The following ANKS1B variants were observed in gnomAD, a reference collection of about 807,000 sequenced individuals.
ANKS1B encodes ankyrin repeat and sterile alpha motif domain containing 1B.
ANKS1B carries 36 observed loss-of-function variants against 148.3 expected under a neutral mutation model. The observed-to-expected ratio is 0.24, with a 90% CI of 0.19 to 0.32. The LOEUF (loss-of-function observed/expected upper bound fraction) is 0.32. ANKS1B is among the 10% of genes least tolerant of loss of function. ANKS1B has a pLI of 1.00. For missense variants in ANKS1B, 1,157 were observed against 1,542.6 expected (o/e 0.75, Z 4.19); for synonymous variants, 542 against 560.8 (o/e 0.97, Z 0.47).
At chr12:99,003,649 T>C (rs2099934330) in intron 17 of ANKS1B, among the ~76,000 whole-genome samples, 1 of 152,250 alleles carries the variant, frequency 6.6e-6, no homozygotes, top group Non-Finnish European at 1.5e-5. Context: ...ATTTGTTTCA[T>C]GGCTCTATGA....
At chr12:99,464,273 A>G (rs1014054095) in intron 10 of ANKS1B, among the ~76,000 whole-genome samples, 3 of 152,218 alleles carry the variant, frequency 2.0e-5, no homozygotes, top group Non-Finnish European at 2.9e-5. Context: ...AAGGACATCC[A>G]CACCAAAAAC....
rs149431271 is a variant in ANKS1B, at chr12:99,641,824, C to A, written c.1272+13243G>T. ...AAAATATTGAACAGTAGACACTATACACCCTTATTGTTGCTAAAAGAAGCT... is the reference window on the plus strand; with the variant it reads ...AAAATATTGAACAGTAGACACTATAAACCCTTATTGTTGCTAAAAGAAGCT... On this transcript the variant is annotated intron_variant, in intron 9 of 26. Coordinates refer to ENST00000683438, the MANE Select transcript of ANKS1B (RefSeq NM_001352186.2). Among the ~76,000 whole-genome samples the A allele has an allele frequency of 1.7e-3, 254 of 152,214 alleles. 3 individuals carry two copies. The highest frequency in any genetic ancestry group is 6.8e-3 in the Middle Eastern group (2 of 294).
At chr12:99,638,999 A>G (rs2098272889) in intron 9 of ANKS1B, among the ~76,000 whole-genome samples, 1 of 152,204 alleles carries the variant, frequency 6.6e-6, no homozygotes, top group Non-Finnish European at 1.5e-5. Context: ...AGGTTTGGGA[A>G]CCTTTGCCTA....
At chr12:99,606,244 G>A (rs1363905323) in intron 9 of ANKS1B, among the ~76,000 whole-genome samples, 1 of 151,634 alleles carries the variant, frequency 6.6e-6, no homozygotes, top group African/African-American at 2.4e-5. Flanking sequence ...TTAACCCCTT[G>A]TCAGATGCAT....
intron 9 of ANKS1B, among the ~76,000 whole-genome samples, chr12:99,583,903 T>C (rs923150664): frequency 1.3e-5 from 2 of 152,256 alleles, no homozygotes; most frequent in Non-Finnish European, 2.9e-5. Context: ...TACTGGCACA[T>C]GCCTGCTCCC....
chr12:98,932,192 C>T (rs1425868878), intron 17 of ANKS1B, among the ~76,000 whole-genome samples: 1 of 152,174 alleles, frequency 6.6e-6, no homozygotes, highest in Non-Finnish European at 1.5e-5. Context: ...TGCAATTTCC[C>T]TGCTCTGGTA....
chr12:98,763,072 A>G (rs551434183), intron 25 of ANKS1B, among the ~76,000 whole-genome samples: 8 of 152,312 alleles, frequency 5.3e-5, no homozygotes, highest in Non-Finnish European at 1.2e-4. Flanking sequence ...ATAATGCCAC[A>G]GGGGGCCTGA....
intron 14 of ANKS1B, among the ~76,000 whole-genome samples, chr12:99,205,579 G>A (rs1416256857): frequency 1.3e-5 from 2 of 152,166 alleles, no homozygotes; most frequent in Non-Finnish European, 2.9e-5. Flanking sequence ...TCTTCCTCAC[G>A]GAGCCCCAGT....
At position 99,404,293 on chromosome 12, in the gene ANKS1B, C is replaced by T. The variant is rs560252752; in HGVS notation, c.1576-4482G>A. Among the ~76,000 whole-genome samples, 198 of 145,426 alleles carry T rather than the reference C, an allele frequency of 1.4e-3. 29 individuals carry two copies. Among genetic ancestry groups the T allele is most frequent in the African/African-American group, 5.0e-3 (192 of 38,234 alleles). On this transcript the variant is annotated intron_variant, in intron 11 of 26. Coordinates refer to ENST00000683438, the MANE Select transcript of ANKS1B (RefSeq NM_001352186.2). Reference sequence around the variant, plus strand: ...CCATGATACTATTTTACCTATGTAACCTGCACATGTACTCCTGAACTCAAA... The same window carrying T: ...CCATGATACTATTTTACCTATGTAATCTGCACATGTACTCCTGAACTCAAA...
At chr12:99,973,798 T>C (rs940369692) in intron 1 of ANKS1B, among the ~76,000 whole-genome samples, 2 of 152,124 alleles carry the variant, frequency 1.3e-5, no homozygotes, top group African/African-American at 4.8e-5. Flanking sequence ...TTTGAACAGA[T>C]AAGGAGTTGC....
At chr12:98,977,215 C>T (rs1215126255) in intron 17 of ANKS1B, among the ~76,000 whole-genome samples, 1 of 152,164 alleles carries the variant, frequency 6.6e-6, no homozygotes, top group African/African-American at 2.4e-5. Context: ...CTTGAAAATT[C>T]CAGCAGCTTA....
intron 8 of ANKS1B, among the ~76,000 whole-genome samples, chr12:99,663,108 G>A (rs574643392): frequency 1.1e-4 from 16 of 152,164 alleles, no homozygotes; most frequent in African/African-American, 3.1e-4. Flanking sequence ...TTTTAAAACC[G>A]GGGATCTAAG....
intron 10 of ANKS1B, among the ~76,000 whole-genome samples, chr12:99,494,439 A>C (rs1388811173): frequency 6.6e-6 from 1 of 152,128 alleles, no homozygotes; most frequent in Non-Finnish European, 1.5e-5. Context: ...TAAAGACCCG[A>C]GCAGATTTAA....
intron 14 of ANKS1B, among the ~76,000 whole-genome samples, chr12:99,208,304 T>C (rs73377335): frequency 0.017 from 2,613 of 152,238 alleles, 72 homozygotes; most frequent in East Asian, 0.085. Flanking sequence ...GTTAAACTAA[T>C]GACTATAACT....
In ANKS1B at chr12:98,772,949, C is replaced by G. The variant is rs1593251630; in HGVS notation, c.3579+93G>C. On this transcript the variant is annotated intron_variant, in intron 25 of 26. Coordinates refer to ENST00000683438, the MANE Select transcript of ANKS1B (RefSeq NM_001352186.2). ...GTATCTTAATACCGGGTAAACAAGC[C>G]AAGCTAGTGTGTTAATTATAAGTTG... is the stretch of plus-strand genomic sequence containing the variant. The G allele has an allele frequency of 2.8e-6, 4 of 1,434,482 alleles. No homozygotes were observed. The Admixed American group carries it at 8.2e-5, about 30-fold the overall frequency. 88.9% of individuals were successfully genotyped at this position (1,434,482 alleles called of 1,614,324 possible). A position where few individuals can be genotyped will look rare whatever the true frequency, so the allele number is the denominator to read the frequency against.
intron 9 of ANKS1B, among the ~76,000 whole-genome samples, chr12:99,526,487 T>A (rs901853150): frequency 6.6e-6 from 1 of 152,118 alleles, no homozygotes; most frequent in African/African-American, 2.4e-5. Context: ...AATAATAAAA[T>A]GGGAGTGTGG....
At chr12:99,589,328 C>T (rs1223153883) in intron 9 of ANKS1B, among the ~76,000 whole-genome samples, 1 of 152,172 alleles carries the variant, frequency 6.6e-6, no homozygotes, top group Non-Finnish European at 1.5e-5. Context: ...TCCTCAGAAG[C>T]CTATAATAAT....
Position 99,154,318 on chromosome 12 carries a change from C to T in ANKS1B, c.2497G>A (p.Ala833Thr). ...AACTGCACATTGTCAAATCCATTAGCCATCAGGTGGTTCTCGTACTGAGGT... is the reference window on the plus strand; with the variant it reads ...AACTGCACATTGTCAAATCCATTAGTCATCAGGTGGTTCTCGTACTGAGGT... ...GLPQYENHLM[A>T]NGFDNVQFMG... The change falls in exon 15 of 27, where the codon GCT becomes ACT. Residue 833 changes from alanine to threonine, a missense_variant. Ala to Thr is a moderately conservative substitution (Grantham distance 58). This residue lies in a region of ANKS1B where 258 missense variants were observed against 497.0 expected (regional missense o/e 0.52). Transcript: ENST00000683438. 2 of 1,613,712 alleles carry T rather than the reference C, an allele frequency of 1.2e-6. No homozygotes were observed. Among genetic ancestry groups the T allele is most frequent in the Non-Finnish European group, 1.7e-6 (2 of 1,179,698 alleles).
chr12:99,543,816 G>T (rs1184262061), intron 9 of ANKS1B, among the ~76,000 whole-genome samples: 3 of 152,108 alleles, frequency 2.0e-5, no homozygotes, highest in Admixed American at 2.0e-4. Context: ...ATTGATAAAG[G>T]TGTATGCCAA....
Sources: gnomAD v4.1 joint callset for allele counts (sites outside exome capture counted in the v4.1 genomes callset) on GRCh38, gnomAD v4.1.1 for gene constraint, gnomAD v4.1.1 regional missense constraint, MANE v1.5 for transcripts, NCBI Gene and HGNC (gene_info 2026-07-23, HGNC 2026-07-21) for gene names.